The following EXOC3L4 variants were observed in gnomAD, a reference collection of about 807,000 sequenced individuals.
EXOC3L4 encodes the protein exocyst complex component 3-like protein 4.
EXOC3L4 carries 62 observed loss-of-function variants against 69.7 expected under a neutral mutation model. That is an observed-to-expected ratio of 0.89 (90% CI 0.72 to 1.10). The LOEUF is 1.10. Ranked by LOEUF, EXOC3L4 falls within the 50% of genes least tolerant of loss-of-function variation. EXOC3L4 has a pLI of 0.00. For synonymous variants in EXOC3L4, 502 were observed against 464.2 expected (o/e 1.08, Z -1.05); for missense variants, 1,087 against 1,034.8 (o/e 1.05, Z -0.69).
In EXOC3L4 at chr14:103,097,080, C is replaced by A. The variant is rs1326136330; in HGVS notation, c.-17+2240C>A. On this transcript the variant is annotated intron_variant, in intron 1 of 11. Transcript: ENST00000688303. The surrounding 1 kb of genome is among the most constrained non-coding windows in gnomAD (Gnocchi z 4.9). ...GAGTGATTGGGAGGATGAGGAGCAGCTACGGGAGGGAAGGTCTAGGGGAAA... is the reference window on the plus strand; with the variant it reads ...GAGTGATTGGGAGGATGAGGAGCAGATACGGGAGGGAAGGTCTAGGGGAAA... Among the ~76,000 whole-genome samples, 2 of 143,444 alleles carry A rather than the reference C, an allele frequency of 1.4e-5. No homozygotes were observed. Among genetic ancestry groups the A allele is most frequent in the African/African-American group, 5.2e-5 (2 of 38,228 alleles). 94.1% of individuals were successfully genotyped at this position (143,444 alleles called of 152,430 possible). A position where few individuals can be genotyped will look rare whatever the true frequency, so the allele number is the denominator to read the frequency against.
intron 11 of EXOC3L4, 30 bp downstream of exon 11, chr14:103,108,547 C>T (rs768198090): frequency 2.5e-6 from 4 of 1,606,308 alleles, no homozygotes; most frequent in South Asian, 1.1e-5. Flanking sequence ...CCACTAGCTT[C>T]CTACCAGAGC....
chr14:103,104,311 G>C lies in EXOC3L4; in HGVS notation c.1206G>C (p.Gln402His). The change falls in exon 5 of 12, where the codon CAG becomes CAC. Residue 402 changes from glutamine to histidine, a missense_variant. Coordinates refer to ENST00000688303, the MANE Select transcript of EXOC3L4 (RefSeq NM_001077594.2). ...TCGACAGCATCTTGCAGCTGGAGCA[G>C]AGTCACTGGGCGGCCGCCGAGGTCC... ...SCFDSILQLE[Q>H]SHWAAAEVPE... 6.3e-7 allele frequency: 1 copy of C among 1,595,964 alleles called. No individual in the cohort carries two copies. The highest frequency in any genetic ancestry group is 8.5e-7 in the Non-Finnish European group (1 of 1,173,072).
intron 3 of EXOC3L4, chr14:103,103,685 G>A: frequency 4.1e-6 from 2 of 491,598 alleles, no homozygotes; most frequent in East Asian, 3.9e-5. Context: ...TTGAGGAGAG[G>A]GCGGAGTGCC....
chr14:103,098,374 C>T (rs1195898946), intron 1 of EXOC3L4, among the ~76,000 whole-genome samples: 1 of 149,384 alleles, frequency 6.7e-6, no homozygotes, highest in African/African-American at 2.5e-5. Context: ...CTGCTCCCAG[C>T]TCCAAGCAGG....
chr14:103,101,858 C>T (rs913902094), intron 2 of EXOC3L4, among the ~76,000 whole-genome samples: 1 of 152,184 alleles, frequency 6.6e-6, no homozygotes, highest in African/African-American at 2.4e-5. Context: ...GGGATCCAGG[C>T]GGAAGGTAGG....
intron 1 of EXOC3L4, 170 bp from the exon 2 acceptor site, chr14:103,100,034 C>T (rs1595235787): frequency 1.5e-6 from 1 of 681,352 alleles, no homozygotes; most frequent in Non-Finnish European, 2.3e-6. Flanking sequence ...CGGCCTGGCA[C>T]ACTGAGGGCT....
rs1444885316 is a variant in EXOC3L4 at position 103,104,026 on chromosome 14, G to A, written c.1135G>A (p.Glu379Lys). ...LLAPDVWARL[E>K]SDYTSFLEAK... is the part of the protein sequence containing the mutation. ...GGCGCCGGACGTGTGGGCCCGACTGGAGAGCGACTACACCAGCTTCCTGGA... is the reference window on the plus strand; with the variant it reads ...GGCGCCGGACGTGTGGGCCCGACTGAAGAGCGACTACACCAGCTTCCTGGA... Residue 379 changes from glutamate to lysine, a missense_variant, in exon 4 of 12, where the codon GAG becomes AAG. Glu to Lys is a moderately conservative substitution (Grantham distance 56). Transcript: ENST00000688303. The A allele has an allele frequency of 5.7e-6, 9 of 1,578,174 alleles. No individual in the cohort carries two copies. The highest frequency in any genetic ancestry group is 5.1e-6 in the Non-Finnish European group (6 of 1,166,884).
chr14:103,104,563 G>A, intron 5 of EXOC3L4, 174 bp downstream of exon 5: 1 of 1,277,138 alleles, frequency 7.8e-7, no homozygotes, highest in Non-Finnish European at 1.0e-6. Flanking sequence ...GGGCAGGGAG[G>A]CTGCTGGATG....
intron 3 of EXOC3L4, chr14:103,103,436 AGGGTACAGCCTGCG>A (rs2139488186): frequency 6.4e-6 from 1 of 155,300 alleles, no homozygotes; most frequent in African/African-American, 2.4e-5. Flanking sequence ...ATCTGGGTTC[AGGGTACAGCCTGCG>A]GGGAGCGGCC....
Position 103,104,060 on chromosome 14 carries a change from C to A in EXOC3L4, c.1161+8C>A. 2 of 1,552,592 alleles carry A rather than the reference C, an allele frequency of 1.3e-6. No homozygotes were observed. The highest frequency in any genetic ancestry group is 1.2e-5 in the South Asian group (1 of 84,962). ...TACACCAGCTTCCTGGAGGTCAGGC[C>A]GGGCGGGTCAGGCTGGGCGGGCCAG... On this transcript the variant is annotated splice_region_variant and intron_variant, in intron 4 of 11. Coordinates refer to ENST00000688303, the MANE Select transcript of EXOC3L4 (RefSeq NM_001077594.2).
intron 2 of EXOC3L4, among the ~76,000 whole-genome samples, chr14:103,101,359 T>C (rs1181952470): frequency 1.3e-5 from 2 of 152,162 alleles, no homozygotes; most frequent in East Asian, 3.8e-4. Flanking sequence ...AGCTGGACAA[T>C]TGCACTTTAA....
chr14:103,102,708 C>G lies in EXOC3L4; in HGVS notation c.985C>G (p.Arg329Gly). Reference protein sequence around the residue: ...AVAQRLQELARDARGCEQLYI... With the variant: ...AVAQRLQELAGDARGCEQLYI... ...GGCCCAGCGCCTCCAGGAGCTCGCG[C>G]GCGACGCCCGCGGCTGCGAGCAGCT... The change falls in exon 3 of 12, where the codon CGC becomes GGC. Residue 329 changes from arginine to glycine, a missense_variant. Arg to Gly is a moderately radical substitution (Grantham distance 125). Transcript: ENST00000688303. 6.9e-7 allele frequency: 1 copy of G among 1,459,032 alleles called. No individual in the cohort carries two copies. The highest frequency in any genetic ancestry group is 9.0e-7 in the Non-Finnish European group (1 of 1,109,870). The allele number at this position is 1,459,032 out of a possible 1,614,324, so 90.4% of individuals were successfully genotyped here. A position where few individuals can be genotyped will look rare whatever the true frequency, so the allele number is the denominator to read the frequency against.
chr14:103,104,872 G>A, intron 6 of EXOC3L4, 34 bp downstream of exon 6: 2 of 1,525,210 alleles, frequency 1.3e-6, no homozygotes, highest in Non-Finnish European at 1.8e-6. Flanking sequence ...GAGCGACCTG[G>A]CCGGGTGCGC....
intron 4 of EXOC3L4, 103 bp downstream of exon 4, chr14:103,104,155 C>A (rs1890393175): frequency 6.9e-7 from 1 of 1,446,378 alleles, no homozygotes; most frequent in Non-Finnish European, 9.1e-7. Flanking sequence ...GGCTCTGGTT[C>A]ACCCTGTGGC....
At chr14:103,103,231 T>C (rs545175454) in intron 3 of EXOC3L4, among the ~76,000 whole-genome samples, 108 of 151,944 alleles carry the variant, frequency 7.1e-4, no homozygotes, top group African/African-American at 2.5e-3. Context: ...GGCACGCACC[T>C]GTAATCTCAG....
chr14:103,110,058 G>C lies in EXOC3L4; in HGVS notation c.2004G>C (p.Ala668=). 6.3e-7 allele frequency: 1 copy of C among 1,599,402 alleles called. No homozygotes were observed. The highest frequency in any genetic ancestry group is 8.5e-7 in the Non-Finnish European group (1 of 1,173,824). ...IRRDHILAIL[A]LRRLGRQRNQ... ...GGGACCACATACTGGCCATTCTGGC[G>C]CTGCGCCGACTGGGCCGCCAGCGGA... Residue 668 remains alanine (A), a synonymous_variant, in exon 12 of 12, where the codon GCG becomes GCC. Transcript: ENST00000688303.
Position 103,106,971 on chromosome 14 carries a change from G to A in EXOC3L4, c.1581+72G>A, listed in dbSNP as rs964839996. On this transcript the variant is annotated intron_variant, in intron 8 of 11. Transcript: ENST00000688303. ...ACCCCCTATTTCCTAGAGCCTGGGG[G>A]CCCAGGTCACAGCATTCATTTATTC... is the stretch of plus-strand genomic sequence containing the variant. The A allele has an allele frequency of 5.6e-6, 7 of 1,248,216 alleles. No individual in the cohort carries two copies. In the African/African-American group the frequency reaches 7.6e-5, roughly 13 times the overall value. The allele number at this position is 1,248,216 out of a possible 1,614,324, so 77.3% of individuals were successfully genotyped here.
At position 103,110,127 on chromosome 14, in the gene EXOC3L4, G is replaced by T; in HGVS notation, c.2073G>T (p.Ala691=). The T allele has an allele frequency of 1.3e-6, 2 of 1,556,438 alleles. No individual in the cohort carries two copies. The highest frequency in any genetic ancestry group is 1.7e-6 in the Non-Finnish European group (2 of 1,150,412). ...ACACTCAAGACCTGCTGAGAGCTGCGGCCGGGGCGGCGGGTGCGGAGGCCC... is the reference window on the plus strand; with the variant it reads ...ACACTCAAGACCTGCTGAGAGCTGCTGCCGGGGCGGCGGGTGCGGAGGCCC... The part of the protein sequence containing the change: ...LQHTQDLLRA[A]AGAAGAEAPR... The change falls in exon 12 of 12, where the codon GCG becomes GCT. Residue 691 remains alanine, a synonymous_variant. Transcript: ENST00000688303.
Position 103,107,740 on chromosome 14 carries a change from T to C in EXOC3L4, c.1811T>C (p.Met604Thr). 6.5e-7 allele frequency: 1 copy of C among 1,545,890 alleles called. No homozygotes were observed. Among genetic ancestry groups the C allele is most frequent in the East Asian group, 2.4e-5 (1 of 41,334 alleles). The change falls in exon 10 of 12, where the codon ATG becomes ACG. Residue 604 changes from methionine to threonine, a missense_variant. Coordinates refer to ENST00000688303, the MANE Select transcript of EXOC3L4 (RefSeq NM_001077594.2). ...GMERMHGSQK[M>T]SLDAQAISDT... Reference sequence around the variant, plus strand: ...GAGCGCATGCATGGCTCCCAGAAGATGAGCCTGGATGCCCAGGCCATCAGC... The same window carrying C: ...GAGCGCATGCATGGCTCCCAGAAGACGAGCCTGGATGCCCAGGCCATCAGC...
Sources: allele counts gnomAD v4.1 joint callset (sites outside exome capture counted in the v4.1 genomes callset), GRCh38; gene constraint gnomAD v4.1.1; non-coding constraint Gnocchi (gnomAD v3.1); transcripts MANE v1.5; gene names NCBI Gene and HGNC (gene_info 2026-07-23, HGNC 2026-07-21).